CFAP210: variants seen among roughly 807,000 people sequenced by gnomAD.
The protein encoded by CFAP210 is cilia and flagella associated protein 210.
the CFAP210 span, among the ~76,000 whole-genome samples, chr2:169,678,627 C>A: frequency 2.0e-5 from 3 of 152,154 alleles, no homozygotes; most frequent in South Asian, 4.1e-4. Context: ...GAGTTAGAGA[C>A]CAGCCTGGCC....
chr2:169,656,498 G>A, the CFAP210 span, among the ~76,000 whole-genome samples: 6 of 149,874 alleles, frequency 4.0e-5, no homozygotes, highest in East Asian at 5.9e-4. Flanking sequence ...AAGGAGGTGC[G>A]GGAGGAGGAG....
At chr2:169,646,807 T>C in the CFAP210 span, among the ~76,000 whole-genome samples, 2 of 152,214 alleles carry the variant, frequency 1.3e-5, no homozygotes, top group African/African-American at 4.8e-5. Flanking sequence ...TTTATATTAA[T>C]TTACATTGGA....
chr2:169,694,144 A>T, the CFAP210 span: 1 of 958,762 alleles, frequency 1.0e-6, no homozygotes, highest in South Asian at 1.4e-5. Context: ...GATGCTTTCG[A>T]CCTGGTGGAG....
At chr2:169,648,306 G>A in the CFAP210 span, 1 of 172,844 alleles carries the variant, frequency 5.8e-6, no homozygotes, top group Non-Finnish European at 1.3e-5. Flanking sequence ...GAAAAGAGGG[G>A]ATAGGGAGTT....
chr2:169,654,184 C>G, the CFAP210 span: 1 of 1,591,946 alleles, frequency 6.3e-7, no homozygotes, highest in South Asian at 1.1e-5. Flanking sequence ...TGTTCTACAG[C>G]TTTGATAATA....
the CFAP210 span, among the ~76,000 whole-genome samples, chr2:169,675,238 C>A: frequency 1.6e-4 from 25 of 152,212 alleles, no homozygotes; most frequent in South Asian, 3.1e-3. Context: ...TTACATGGTT[C>A]AAAATCCCAA....
chr2:169,654,315 C>G, the CFAP210 span: 11 of 986,778 alleles, frequency 1.1e-5, no homozygotes, highest in Non-Finnish European at 1.4e-5. Context: ...AGCTTCTGAC[C>G]CAGTTATTTC....
the CFAP210 span, chr2:169,649,047 T>C: frequency 6.1e-6 from 4 of 654,538 alleles, no homozygotes; most frequent in Admixed American, 3.4e-5. Flanking sequence ...ACATTTTTAA[T>C]ACATTTTATT....
chr2:169,649,348 T>C, the CFAP210 span: 1 of 1,608,104 alleles, frequency 6.2e-7, no homozygotes, highest in Non-Finnish European at 8.5e-7. Flanking sequence ...ATTTTTCATC[T>C]AGATGTTTAA....
the CFAP210 span, among the ~76,000 whole-genome samples, chr2:169,679,004 AATAG>A: frequency 1.3e-5 from 2 of 152,144 alleles, no homozygotes; most frequent in Non-Finnish European, 2.9e-5. Context: ...AATAAAACAG[AATAG>A]ATAGTGCAGA....
the CFAP210 span, among the ~76,000 whole-genome samples, chr2:169,692,711 TG>T: frequency 1.4e-3 from 214 of 152,294 alleles, 2 homozygotes; most frequent in Non-Finnish European, 2.2e-3. Context: ...CAAACATACT[TG>T]GTGAGTTTGA....
chr2:169,649,474 G>T, the CFAP210 span: 38 of 769,320 alleles, frequency 4.9e-5, 1 homozygote, highest in Admixed American at 7.0e-4. Flanking sequence ...GCAGAAAAGT[G>T]CATGCACCTG....
At chr2:169,678,480 C>A in the CFAP210 span, among the ~76,000 whole-genome samples, 3 of 151,930 alleles carry the variant, frequency 2.0e-5, no homozygotes. Context: ...TCAACACAAT[C>A]CCAATAAAAA....
chr2:169,659,185 A>T, the CFAP210 span: 1 of 152,266 alleles, frequency 6.6e-6, no homozygotes, highest in Non-Finnish European at 1.5e-5. Context: ...GGCTTTAAAA[A>T]AAAGAACTTG....
the CFAP210 span, among the ~76,000 whole-genome samples, chr2:169,677,182 T>C: frequency 6.6e-5 from 10 of 152,154 alleles, no homozygotes; most frequent in Non-Finnish European, 1.2e-4. Flanking sequence ...TTCTTCACAG[T>C]TTCGAGTACT....
chr2:169,672,076 C>T, the CFAP210 span, among the ~76,000 whole-genome samples: 36 of 152,126 alleles, frequency 2.4e-4, no homozygotes, highest in African/African-American at 7.5e-4. Flanking sequence ...CATCCCTATT[C>T]GTAACAGTAT....
the CFAP210 span, chr2:169,646,132 A>G: frequency 1.9e-6 from 3 of 1,613,940 alleles, no homozygotes; most frequent in South Asian, 2.2e-5. Flanking sequence ...TAAGTCTGCA[A>G]TAATCTAATT....
chr2:169,687,627 C>T, the CFAP210 span, among the ~76,000 whole-genome samples: 5 of 152,316 alleles, frequency 3.3e-5, no homozygotes, highest in African/African-American at 1.2e-4. Flanking sequence ...CCCCTGTGGC[C>T]TTGCAGGGTA....
Sources: gnomAD v4.1 joint callset for allele counts (sites outside exome capture counted in the v4.1 genomes callset) on GRCh38, gnomAD v4.1.1 for gene constraint, MANE v1.5 for transcripts, NCBI Gene and HGNC (gene_info 2026-07-23, HGNC 2026-07-21) for gene names.